Variants in DCDC1 observed in about 807,000 individuals in gnomAD.
DCDC1 encodes the protein doublecortin domain-containing protein 1.
Under a neutral mutation model 178.3 loss-of-function variants are expected in DCDC1, and 200 were observed. The observed-to-expected ratio is 1.12, with a 90% CI of 1.00 to 1.26. The LOEUF (loss-of-function observed/expected upper bound fraction) is 1.26. Among genes scored for constraint, DCDC1 ranks in the 50% most tolerant of loss-of-function variants. DCDC1 has a pLI of 0.00. For synonymous variants in DCDC1, 690 were observed against 604.8 expected (o/e 1.14, Z -2.07); for missense variants, 1,983 against 1,749.2 (o/e 1.13, Z -2.38).
At chr11:31,096,783 A>C (rs1213817426) in intron 15 of DCDC1, among the ~76,000 whole-genome samples, 1 of 151,906 alleles carries the variant, frequency 6.6e-6, no homozygotes, top group African/African-American at 2.4e-5. Flanking sequence ...CTGTGACTTC[A>C]CTTTTTAAAT....
At chr11:31,017,447 C>T (rs1191750133) in intron 20 of DCDC1, among the ~76,000 whole-genome samples, 2 of 151,850 alleles carry the variant, frequency 1.3e-5, no homozygotes, top group East Asian at 3.9e-4. Context: ...ATATTTAATA[C>T]ATACAACATA....
At chr11:31,230,762 A>T (rs1975660280) in intron 9 of DCDC1, among the ~76,000 whole-genome samples, 1 of 152,210 alleles carries the variant, frequency 6.6e-6, no homozygotes, top group Non-Finnish European at 1.5e-5. Context: ...TTTTATCATT[A>T]GCTTAAAAAC....
intron 36 of DCDC1, among the ~76,000 whole-genome samples, chr11:30,886,580 C>T (rs955553029): frequency 6.6e-6 from 1 of 152,134 alleles, no homozygotes; most frequent in African/African-American, 2.4e-5. Flanking sequence ...AAAGAGGTCT[C>T]CCTCTCTCTT....
intron 8 of DCDC1, among the ~76,000 whole-genome samples, chr11:31,264,677 T>C (rs966655900): frequency 1.3e-5 from 2 of 152,196 alleles, no homozygotes; most frequent in Non-Finnish European, 2.9e-5. Context: ...GAATAAGTAC[T>C]ACCTAGTAGT....
intron 23 of DCDC1, among the ~76,000 whole-genome samples, chr11:30,923,604 A>AAAC (rs1946401356): frequency 6.7e-6 from 1 of 149,372 alleles, no homozygotes; most frequent in African/African-American, 2.5e-5. Context: ...GGGAAACTTT[A>AAAC]AATAATAATA....
intron 9 of DCDC1, among the ~76,000 whole-genome samples, chr11:31,169,558 T>C (rs373877400): frequency 4.6e-5 from 7 of 152,178 alleles, no homozygotes; most frequent in African/African-American, 1.4e-4. Flanking sequence ...CAACGACTCA[T>C]ACATGCTACC....
At chr11:31,074,506 T>C (rs193069421) in intron 18 of DCDC1, among the ~76,000 whole-genome samples, 1 of 152,244 alleles carries the variant, frequency 6.6e-6, no homozygotes, top group Non-Finnish European at 1.5e-5. Context: ...CTGTCCCTTC[T>C]ACCATGTGAG....
chr11:31,024,706 T>C (rs567870304), intron 20 of DCDC1, among the ~76,000 whole-genome samples: 1 of 152,060 alleles, frequency 6.6e-6, no homozygotes, highest in South Asian at 2.1e-4. Context: ...TTTAAAAATG[T>C]ATTTAGATGA....
At position 30,986,739 on chromosome 11, in the gene DCDC1, A is replaced by T. The variant is rs184322933; in HGVS notation, c.2592-34171T>A. Reference sequence around the variant, plus strand: ...ACCCTTAATAATTAAAAAGAAAGAAAGAATGAAAATTTGTAGACAATCAGT... The same window carrying T: ...ACCCTTAATAATTAAAAAGAAAGAATGAATGAAAATTTGTAGACAATCAGT... On this transcript the variant is annotated intron_variant, in intron 20 of 38. Coordinates refer to ENST00000684477, the MANE Select transcript of DCDC1 (RefSeq NM_001387274.1). 1.7e-3 allele frequency among the ~76,000 whole-genome samples: 260 copies of T among 152,336 alleles called. 1 individual carries two copies. Among genetic ancestry groups the T allele is most frequent in the Non-Finnish European group, 2.3e-3 (158 of 68,016 alleles).
intron 11 of DCDC1, among the ~76,000 whole-genome samples, chr11:31,122,768 A>G (rs180925305): frequency 3.3e-5 from 5 of 152,258 alleles, no homozygotes. Context: ...AATCAATGAC[A>G]TGGGCAAGTT....
At chr11:30,973,288 A>T (rs2134707426) in intron 20 of DCDC1, among the ~76,000 whole-genome samples, 1 of 150,916 alleles carries the variant, frequency 6.6e-6, no homozygotes, top group Non-Finnish European at 1.5e-5. Context: ...AAAAAAAAAA[A>T]AATGTAGCAT....
In DCDC1 at chr11:30,965,320, C is replaced by T. The variant is rs550960147; in HGVS notation, c.2592-12752G>A. ...AGTACCATTCTGGAGGCCCAGTCTC[C>T]ATATCATACCACAAAAGAAATATTG... On this transcript the variant is annotated intron_variant, in intron 20 of 38. Transcript: ENST00000684477. Among the ~76,000 whole-genome samples, 6 of 152,224 alleles carry T rather than the reference C, an allele frequency of 3.9e-5. No individual in the cohort carries two copies. In the East Asian group the frequency reaches 5.8e-4, roughly 15 times the overall value.
intron 6 of DCDC1, among the ~76,000 whole-genome samples, chr11:31,303,901 T>C (rs898893608): frequency 6.6e-6 from 1 of 152,060 alleles, no homozygotes; most frequent in African/African-American, 2.4e-5. Context: ...TCAAAAACCA[T>C]TGCACAACAC....
intron 1 of DCDC1, among the ~76,000 whole-genome samples, chr11:31,368,055 C>T (rs1952054257): frequency 6.6e-6 from 1 of 152,068 alleles, no homozygotes; most frequent in Admixed American, 6.5e-5. Context: ...CAGAAAAAGA[C>T]ATTTTCAATT....
chr11:31,038,284 G>A (rs1379917927), intron 20 of DCDC1, among the ~76,000 whole-genome samples: 1 of 151,642 alleles, frequency 6.6e-6, no homozygotes, highest in Non-Finnish European at 1.5e-5. Flanking sequence ...ATATCAGAAC[G>A]AAGCATTTGG....
chr11:31,266,513 A>G (rs550276654), intron 7 of DCDC1, among the ~76,000 whole-genome samples: 5 of 152,356 alleles, frequency 3.3e-5, no homozygotes, highest in African/African-American at 1.2e-4. Context: ...CTAAAAATAT[A>G]AAATATATTC....
chr11:31,265,563 A>G lies in DCDC1; in HGVS notation c.998T>C (p.Leu333Ser). ...DTCTIRMNLN[L>S]PARYFYDLYG... is the part of the protein sequence containing the mutation. The stretch of plus-strand genomic sequence containing the variant: ...CAAATCATAAAAATATCTGGCTGGT[A>G]AATTTAGATTCATTCTTATTGTACA... The change falls in exon 8 of 39, where the codon TTA (leucine) becomes TCA (serine). Residue 333 changes from leucine to serine, a missense_variant. Transcript: ENST00000684477. The G allele has an allele frequency of 6.9e-7, 1 of 1,439,688 alleles. No individual in the cohort carries two copies. Among genetic ancestry groups the G allele is most frequent in the Non-Finnish European group, 9.2e-7 (1 of 1,091,454 alleles). 89.2% of individuals were successfully genotyped at this position (1,439,688 alleles called of 1,614,324 possible).
At chr11:30,888,525 C>G (rs1943508755) in intron 36 of DCDC1, among the ~76,000 whole-genome samples, 2 of 152,138 alleles carry the variant, frequency 1.3e-5, no homozygotes, top group Non-Finnish European at 2.9e-5. Flanking sequence ...TGAGACCAGC[C>G]TGACCAACAT....
At chr11:30,922,086 C>G (rs1050370402) in intron 24 of DCDC1, among the ~76,000 whole-genome samples, 6 of 152,276 alleles carry the variant, frequency 3.9e-5, no homozygotes, top group African/African-American at 9.6e-5. Flanking sequence ...CGACTTCAGA[C>G]AGTAGAGCCC....
Sources: allele counts gnomAD v4.1 joint callset (sites outside exome capture counted in the v4.1 genomes callset), GRCh38; gene constraint gnomAD v4.1.1; transcripts MANE v1.5; gene names NCBI Gene and HGNC (gene_info 2026-07-23, HGNC 2026-07-21).